Variants in DOCK10 observed in about 807,000 individuals in gnomAD.
The protein encoded by DOCK10 is dedicator of cytokinesis 10.
DOCK10 carries 145 observed loss-of-function variants against 280.1 expected under a neutral mutation model. The ratio of observed to expected loss-of-function variants is 0.52; its 90% CI spans 0.45 to 0.59. The LOEUF (loss-of-function observed/expected upper bound fraction) is 0.59, where lower values mean the gene tolerates loss of function less well. Ranked by LOEUF, DOCK10 falls within the 20% of genes least tolerant of loss-of-function variation. DOCK10 has a pLI of 0.00. For missense variants in DOCK10, 2,368 were observed against 2,651.7 expected (o/e 0.89, Z 2.35); for synonymous variants, 915 against 942.2 (o/e 0.97, Z 0.53).
At chr2:224,840,685 C>T (rs1416030073) in intron 23 of DOCK10, among the ~76,000 whole-genome samples, 3 of 152,058 alleles carry the variant, frequency 2.0e-5, no homozygotes, top group African/African-American at 7.2e-5. Flanking sequence ...AGAAGAGCCA[C>T]TATGGAAAAC....
chr2:224,894,218 T>C (rs1473023084), intron 4 of DOCK10, among the ~76,000 whole-genome samples: 1 of 152,220 alleles, frequency 6.6e-6, no homozygotes, highest in Non-Finnish European at 1.5e-5. Flanking sequence ...AATTAAGCAA[T>C]AATGTCCGGG....
chr2:224,926,436 C>T (rs1025842656), intron 2 of DOCK10, among the ~76,000 whole-genome samples: 4 of 152,186 alleles, frequency 2.6e-5, no homozygotes, highest in African/African-American at 7.2e-5. Context: ...TGCAGTGGCT[C>T]ACGCCTGTAA....
At chr2:224,959,463 T>G (rs1575116105) in intron 1 of DOCK10, among the ~76,000 whole-genome samples, 2 of 147,534 alleles carry the variant, frequency 1.4e-5, no homozygotes, top group South Asian at 4.2e-4. Flanking sequence ...TTACCTCAAG[T>G]ACCACTTAGG....
Position 224,786,455 on chromosome 2 carries a change from T to C in DOCK10, c.5655+567A>G, listed in dbSNP as rs1430421409. On this transcript the variant is annotated intron_variant, in intron 50 of 55. Coordinates refer to ENST00000258390, the MANE Select transcript of DOCK10 (RefSeq NM_014689.3). This position sits in a 1 kb window ranked among gnomAD's most constrained non-coding sequence, Gnocchi z 4.7. ...CTGTGGCTAAGTAATATTTTCCATC[T>C]TCTTCATTGCTTATGCAGCAAACTG... 1.3e-5 allele frequency among the ~76,000 whole-genome samples: 2 copies of C among 152,258 alleles called. No individual in the cohort carries two copies. The highest frequency in any genetic ancestry group is 4.8e-5 in the African/African-American group (2 of 41,460).
chr2:224,907,704 AG>A (rs1405684847), intron 3 of DOCK10, among the ~76,000 whole-genome samples: 11 of 148,860 alleles, frequency 7.4e-5, no homozygotes, highest in African/African-American at 2.8e-4. Flanking sequence ...AAAAAAAAAA[AG>A]AATAGAGGTT....
intron 1 of DOCK10, among the ~76,000 whole-genome samples, chr2:225,036,457 A>T (rs747575856): frequency 1.3e-5 from 2 of 152,200 alleles, no homozygotes; most frequent in Non-Finnish European, 2.9e-5. Context: ...GATACTGCAA[A>T]AGTGTGGCTA....
chr2:224,921,087 T>A (rs1330502485), intron 2 of DOCK10, among the ~76,000 whole-genome samples: 1 of 39,570 alleles, frequency 2.5e-5, no homozygotes, highest in East Asian at 4.9e-4. Context: ...AAACACCGTC[T>A]CTATTAAAAA....
intron 50 of DOCK10, among the ~76,000 whole-genome samples, chr2:224,781,459 C>T (rs1231094346): frequency 6.6e-6 from 1 of 152,156 alleles, no homozygotes; most frequent in South Asian, 2.1e-4. Flanking sequence ...TGCATGCTTA[C>T]CTTATACCCA....
At chr2:224,821,807 A>G (rs762361821) in intron 28 of DOCK10, among the ~76,000 whole-genome samples, 5 of 152,126 alleles carry the variant, frequency 3.3e-5, no homozygotes, top group Admixed American at 1.3e-4. Flanking sequence ...CTTTATTCCC[A>G]TAGGTCTTAA....
At chr2:224,944,654 ATC>A (rs1703293710) in intron 1 of DOCK10, among the ~76,000 whole-genome samples, 1 of 152,228 alleles carries the variant, frequency 6.6e-6, no homozygotes, top group African/African-American at 2.4e-5. Context: ...TCCTCAGGAT[ATC>A]TGTTTCAAAT....
intron 25 of DOCK10, among the ~76,000 whole-genome samples, chr2:224,835,135 G>C (rs1301407931): frequency 6.6e-6 from 1 of 152,152 alleles, no homozygotes; most frequent in Admixed American, 6.5e-5. Context: ...GTCATGGTGG[G>C]ATTTGACTTC....
At chr2:224,912,022 G>A (rs1701043291) in intron 3 of DOCK10, among the ~76,000 whole-genome samples, 1 of 152,124 alleles carries the variant, frequency 6.6e-6, no homozygotes, top group African/African-American at 2.4e-5. Flanking sequence ...TAAAGAATCT[G>A]AAGTAGTCTT....
rs1218742863 is a variant in DOCK10 at position 224,823,555 on chromosome 2, C to T, written c.3129G>A (p.Lys1043=). Residue 1043 remains lysine, a synonymous_variant, in exon 28 of 56, where the codon AAG becomes AAA. Transcript: ENST00000258390. ...VLSDHVIWKY[K]DALEETRRAN... is the part of the protein sequence containing the mutation. ...CCCTTCTTGTTTCTTCAAGTGCATC[C>T]TTGTATTTCCAAATCACATGGTCGG... 6.2e-7 allele frequency: 1 copy of T among 1,609,290 alleles called. No homozygotes were observed. Among genetic ancestry groups the T allele is most frequent in the Non-Finnish European group, 8.5e-7 (1 of 1,178,580 alleles).
At chr2:224,825,765 G>A (rs1223796187) in intron 27 of DOCK10, among the ~76,000 whole-genome samples, 1 of 152,124 alleles carries the variant, frequency 6.6e-6, no homozygotes, top group Admixed American at 6.5e-5. Flanking sequence ...CTAAAGACTC[G>A]AGGTGGAAGA....
At chr2:224,893,634 A>T (rs752090562) in intron 4 of DOCK10, 2 of 457,306 alleles carry the variant, frequency 4.4e-6, no homozygotes, top group African/African-American at 4.1e-5. Flanking sequence ...TTTCTTCAGT[A>T]TCTTCCTATG....
intron 1 of DOCK10, among the ~76,000 whole-genome samples, chr2:224,997,042 A>T (rs1323383096): frequency 1.3e-5 from 2 of 152,200 alleles, no homozygotes; most frequent in East Asian, 1.9e-4. Context: ...GTAACTTCAC[A>T]AGATCTTTGT....
At chr2:224,858,578 T>TG (rs1451871764) in intron 14 of DOCK10, among the ~76,000 whole-genome samples, 2 of 152,064 alleles carry the variant, frequency 1.3e-5, no homozygotes, top group African/African-American at 2.4e-5. Context: ...CGCTTGAACC[T>TG]GGGGGGCGAA....
chr2:224,865,029 G>A lies in DOCK10; in HGVS notation c.1316C>T (p.Ser439Phe). ...LYDLRDSRKISADFHVDLNHA... is the reference protein window; with the variant it reads ...LYDLRDSRKIFADFHVDLNHA... ...GTTTAGATCCACATGAAAATCAGCA[G>A]AAATCTTCCTGCTGTCTCTGAGGTC... Residue 439 changes from serine to phenylalanine, a missense_variant, in exon 12 of 56, where the codon TCT becomes TTT. Physicochemically the swap from Ser to Phe is radical, Grantham distance 155. This residue lies in a region of DOCK10 where 1,209 missense variants were observed against 1,250.9 expected (regional missense o/e 0.97). Transcript: ENST00000258390. The A allele has an allele frequency of 6.2e-7, 1 of 1,613,916 alleles. No homozygotes were observed. The highest frequency in any genetic ancestry group is 8.5e-7 in the Non-Finnish European group (1 of 1,179,876).
At chr2:224,867,098 A>ACG (rs1468301129) in intron 11 of DOCK10, among the ~76,000 whole-genome samples, 1 of 152,018 alleles carries the variant, frequency 6.6e-6, no homozygotes, top group African/African-American at 2.4e-5. Flanking sequence ...ACACACACAC[A>ACG]CACACACACA....
Sources: gnomAD v4.1 joint callset for allele counts (sites outside exome capture counted in the v4.1 genomes callset) on GRCh38, gnomAD v4.1.1 for gene constraint, gnomAD v4.1.1 regional missense constraint, Gnocchi (gnomAD v3.1) non-coding constraint, MANE v1.5 for transcripts, NCBI Gene and HGNC (gene_info 2026-07-23, HGNC 2026-07-21) for gene names.